Variants in NAV2 observed in about 807,000 individuals in gnomAD.
The protein encoded by NAV2 is neuron navigator 2.
In NAV2, 54 loss-of-function variants were observed where a neutral mutation model predicts 223.2. The ratio of observed to expected loss-of-function variants is 0.24; its 90% confidence interval spans 0.19 to 0.30. The LOEUF is 0.30. Ranked by LOEUF, NAV2 falls within the 10% of genes least tolerant of loss-of-function variation. The pLI is 1.00. For missense variants in NAV2, 2,806 were observed against 3,147.5 expected, an observed-to-expected ratio of 0.89 and a Z score of 2.60; for synonymous variants, 1,279 against 1,239.3, an observed-to-expected ratio of 1.03 and a Z score of -0.67.
chr11:19,416,540 T>C (rs140872157), intron 1 of NAV2, among the ~76,000 whole-genome samples: 2,623 of 152,220 alleles, frequency 0.017, 60 homozygotes, highest in East Asian at 0.06. Flanking sequence ...TTATAGACTT[T>C]ATGCTATCCC....
intron 1 of NAV2, among the ~76,000 whole-genome samples, chr11:19,531,638 A>G (rs12803842): frequency 3.3e-5 from 5 of 152,014 alleles, no homozygotes; most frequent in Admixed American, 3.3e-4. Context: ...ACAGGGGAGA[A>G]TGAAAGGTTG....
rs571724016 is a variant in NAV2 at position 19,983,392 on chromosome 11, T to C, written c.2646-733T>C. On this transcript the variant is annotated intron_variant, in intron 10 of 37. Transcript: ENST00000349880. The stretch of plus-strand genomic sequence containing the variant: ...CAAAAAAAGAATAAACTAGCATTAG[T>C]GTTGTTCAGAGTTTTGTGGCAACCC... 2.8e-4 allele frequency among the ~76,000 whole-genome samples: 43 copies of C among 152,348 alleles called. 2 individuals carry two copies. In the South Asian group the frequency reaches 8.5e-3, roughly 30 times the overall value.
intron 1 of NAV2, among the ~76,000 whole-genome samples, chr11:19,745,656 G>T (rs1264911843): frequency 1.3e-5 from 2 of 152,148 alleles, no homozygotes; most frequent in Non-Finnish European, 2.9e-5. Context: ...AGAGATGCAG[G>T]ATATGGTTTC....
At chr11:19,474,574 T>C (rs2042061282) in intron 1 of NAV2, among the ~76,000 whole-genome samples, 1 of 152,220 alleles carries the variant, frequency 6.6e-6, no homozygotes, top group African/African-American at 2.4e-5. Flanking sequence ...TGTGAGGCTT[T>C]TAAGTGTAGC....
At chr11:19,964,419 G>A (rs992288503) in intron 10 of NAV2, among the ~76,000 whole-genome samples, 6 of 151,892 alleles carry the variant, frequency 4.0e-5, no homozygotes, top group South Asian at 2.1e-4. Context: ...ATATTAACAC[G>A]ACTAGCTACC....
chr11:19,778,403 G>A lies in NAV2; in HGVS notation c.268-54081G>A, dbSNP rs777201286. 26 of 454,708 alleles carry A rather than the reference G, an allele frequency of 5.7e-5. No homozygotes were observed. The Middle Eastern group carries it at 2.6e-3, about 45-fold the overall frequency. The allele number at this position is 454,708 out of a possible 1,614,324, so 28.2% of individuals were successfully genotyped here. On this transcript the variant is annotated intron_variant, in intron 1 of 37. Transcript: ENST00000349880. ...GGATAAGAAATCATATTTGTGGATTGCCTGGCATATAAAAAGGATTCAGTA... is the reference window on the plus strand; with the variant it reads ...GGATAAGAAATCATATTTGTGGATTACCTGGCATATAAAAAGGATTCAGTA...
chr11:19,944,746 C>T (rs1357951212), intron 8 of NAV2, among the ~76,000 whole-genome samples: 2 of 132,922 alleles, frequency 1.5e-5, no homozygotes, highest in African/African-American at 6.1e-5. Context: ...TCTCCCCTCC[C>T]TTCCCTTTCT....
At chr11:19,359,478 A>C (rs1853808937) in intron 1 of NAV2, among the ~76,000 whole-genome samples, 1 of 152,214 alleles carries the variant, frequency 6.6e-6, no homozygotes, top group African/African-American at 2.4e-5. Context: ...TGTACCCAAA[A>C]GGGGATGTAC....
In NAV2 at chr11:20,103,538, G is replaced by A. The variant is rs866255348; in HGVS notation, c.6573-115G>A. ...GTGCACACGCATAGGGTTGGGAGTG[G>A]GAGGCAGCCAGCTGTCCACTGGCCT... On this transcript the variant is annotated intron_variant, in intron 33 of 37. Coordinates refer to ENST00000349880, the MANE Select transcript of NAV2 (RefSeq NM_145117.5). The A allele has an allele frequency of 2.6e-4, 390 of 1,488,108 alleles. 2 individuals are homozygous for A. Among genetic ancestry groups the A allele is most frequent in the Middle Eastern group, 2.4e-3 (14 of 5,758 alleles). The allele number at this position is 1,488,108 out of a possible 1,614,324, so 92.2% of individuals were successfully genotyped here.
chr11:19,505,547 G>T (rs1487725454), intron 1 of NAV2: 2 of 152,266 alleles, frequency 1.3e-5, no homozygotes, highest in Admixed American at 1.3e-4. Context: ...TTGAGGTGGG[G>T]TGGGTCGGGT....
At chr11:19,731,746 T>A (rs1251720337) in intron 1 of NAV2, among the ~76,000 whole-genome samples, 1 of 152,220 alleles carries the variant, frequency 6.6e-6, no homozygotes, top group Non-Finnish European at 1.5e-5. Flanking sequence ...ATTTTCCTTA[T>A]CTAGAAAGTG....
chr11:19,439,702 A>G (rs574162779), intron 1 of NAV2, among the ~76,000 whole-genome samples: 3 of 152,376 alleles, frequency 2.0e-5, no homozygotes, highest in East Asian at 3.9e-4. Flanking sequence ...ATCAAGAAAT[A>G]CATTTTTATG....
At chr11:19,372,983 C>A (rs748358973) in intron 1 of NAV2, among the ~76,000 whole-genome samples, 3 of 152,200 alleles carry the variant, frequency 2.0e-5, no homozygotes, top group Non-Finnish European at 4.4e-5. Context: ...TCTTTGAAAC[C>A]TATGAGGGAC....
intron 34 of NAV2, 38 bp from the exon 35 acceptor site, chr11:20,105,493 C>T: frequency 6.4e-7 from 1 of 1,567,730 alleles, no homozygotes; most frequent in South Asian, 1.2e-5. Context: ...ATTTGGATCA[C>T]CATCATCAGC....
At chr11:19,649,159 C>T (rs1406302799) in intron 1 of NAV2, among the ~76,000 whole-genome samples, 1 of 152,168 alleles carries the variant, frequency 6.6e-6, no homozygotes, top group Admixed American at 6.5e-5. Flanking sequence ...ATTCATATCA[C>T]TAAATCCTTG....
chr11:19,361,063 T>C (rs186101548), intron 1 of NAV2, among the ~76,000 whole-genome samples: 3 of 152,090 alleles, frequency 2.0e-5, no homozygotes, highest in Non-Finnish European at 4.4e-5. Context: ...TCCAGAAATC[T>C]TGGGAAAATT....
At chr11:19,840,707 A>G (rs997498092) in intron 2 of NAV2, among the ~76,000 whole-genome samples, 2 of 152,142 alleles carry the variant, frequency 1.3e-5, no homozygotes, top group Non-Finnish European at 2.9e-5. Flanking sequence ...TAGTATATAC[A>G]TCTGTATTAT....
At chr11:19,700,837 A>G (rs915618556) in intron 1 of NAV2, among the ~76,000 whole-genome samples, 1 of 152,250 alleles carries the variant, frequency 6.6e-6, no homozygotes, top group African/African-American at 2.4e-5. Context: ...AAGCTCCACG[A>G]GAAAAGAATT....
intron 3 of NAV2, among the ~76,000 whole-genome samples, chr11:19,859,973 G>A (rs1195167502): frequency 4.6e-5 from 6 of 130,616 alleles, no homozygotes; most frequent in African/African-American, 1.8e-4. Flanking sequence ...CCTCCCGGAT[G>A]GGGCGGCTGG....
Sources: gnomAD v4.1 joint callset for allele counts (sites outside exome capture counted in the v4.1 genomes callset) on GRCh38, gnomAD v4.1.1 for gene constraint, MANE v1.5 for transcripts, NCBI Gene and HGNC (gene_info 2026-07-23, HGNC 2026-07-21) for gene names.